Variants in DMD observed in about 807,000 individuals in gnomAD.
DMD encodes the protein mutant dystrophin.
DMD carries 63 observed loss-of-function variants against 330.1 expected under a neutral mutation model. The observed-to-expected ratio is 0.19, with a 90% CI of 0.16 to 0.24. The LOEUF is 0.24. Among genes scored for constraint, DMD ranks in the 10% least tolerant of loss-of-function variants. The probability of loss-of-function intolerance (pLI) is 1.00; values close to 1 mark genes in which losing one functional copy is unlikely to be tolerated. For missense variants in DMD, 3,344 were observed against 2,684.1 expected (o/e 1.25, Z -5.43); for synonymous variants, 1,223 against 959.8 (o/e 1.27, Z -5.07).
At chrX:33,106,662 G>A (rs957912527) in intron 1 of DMD, among the ~76,000 whole-genome samples, 1 of 111,241 alleles carries the variant, frequency 9.0e-6, no homozygotes, top group African/African-American at 3.3e-5. Context: ...ATAATGTTTT[G>A]AACACATCCA....
At chrX:33,144,919 A>G (rs2047955363) in intron 1 of DMD, among the ~76,000 whole-genome samples, 1 of 111,979 alleles carries the variant, frequency 8.9e-6, no homozygotes, top group Non-Finnish European at 1.9e-5. Flanking sequence ...CTTTCAATCT[A>G]TTGTCTATTT....
At chrX:32,529,378 A>AATTTTTTTTTT (rs1569139194) in intron 17 of DMD, among the ~76,000 whole-genome samples, 8 of 73,060 alleles carry the variant, frequency 1.1e-4, no homozygotes, top group African/African-American at 3.8e-4. Flanking sequence ...GCAAAAATCA[A>AATTTTTTTTTT]CTTTTTTTTT....
At chrX:32,502,499 A>C (rs1190777608) in intron 18 of DMD, among the ~76,000 whole-genome samples, 1 of 111,850 alleles carries the variant, frequency 8.9e-6, no homozygotes, top group Admixed American at 9.6e-5. Context: ...CAATAGCCAG[A>C]ATTTCATACT....
intron 60 of DMD, among the ~76,000 whole-genome samples, chrX:31,373,516 C>T (rs1312336286): frequency 1.9e-5 from 2 of 104,048 alleles, no homozygotes; most frequent in South Asian, 4.7e-4. Flanking sequence ...AATAATGCCG[C>T]ATATCTACAA....
intron 12 of DMD, among the ~76,000 whole-genome samples, chrX:32,607,991 G>A (rs2056870921): frequency 9.1e-6 from 1 of 109,386 alleles, no homozygotes. Context: ...GAGTAATGAA[G>A]TATAATAACT....
At chrX:32,751,994 G>A (rs374840739) in intron 7 of DMD, among the ~76,000 whole-genome samples, 2 of 112,889 alleles carry the variant, frequency 1.8e-5, no homozygotes, top group African/African-American at 6.4e-5. Context: ...GAGGATGTAT[G>A]GAAAAACCTG....
chrX:31,468,217 T>C (rs2149201318), intron 59 of DMD, among the ~76,000 whole-genome samples: 1 of 112,015 alleles, frequency 8.9e-6, no homozygotes, highest in East Asian at 2.8e-4. Flanking sequence ...GCTTTGGAAT[T>C]TGTTTGCTCT....
chrX:31,402,644 A>C (rs1302581868), intron 60 of DMD, among the ~76,000 whole-genome samples: 2 of 111,995 alleles, frequency 1.8e-5, no homozygotes, highest in Non-Finnish European at 3.8e-5. Flanking sequence ...TGAGGGAACG[A>C]TTTCTGAAAA....
rs770173774 is a variant in DMD, at chrX:31,445,791, G to A, written c.8938-1164C>T. ...GAGCAGAAGAACCCTATGCAGATAT[G>A]GGGAGGATATTACCACGCCTCATAT... is the stretch of plus-strand genomic sequence containing the variant. On this transcript the variant is annotated intron_variant, in intron 59 of 78. Transcript: ENST00000357033. 1.1e-4 allele frequency among the ~76,000 whole-genome samples: 12 copies of A among 111,611 alleles called. No individual in the cohort carries two copies. In the South Asian group the frequency reaches 4.5e-3, roughly 42 times the overall value.
intron 2 of DMD, among the ~76,000 whole-genome samples, chrX:32,990,294 C>G (rs1003203375): frequency 1.8e-5 from 2 of 111,644 alleles, no homozygotes; most frequent in African/African-American, 6.5e-5. Context: ...TACAGTTGAC[C>G]AACTCTTTTA....
At chrX:32,968,792 G>A (rs1432085828) in intron 2 of DMD, among the ~76,000 whole-genome samples, 1 of 108,733 alleles carries the variant, frequency 9.2e-6, no homozygotes, top group African/African-American at 3.3e-5. Context: ...CACTTTGGGA[G>A]GCCAGGGTGG....
At chrX:32,414,963 A>G (rs2098160760) in intron 29 of DMD, among the ~76,000 whole-genome samples, 1 of 111,948 alleles carries the variant, frequency 8.9e-6, no homozygotes, top group African/African-American at 3.2e-5. Context: ...TCAGGGCTAT[A>G]ATCAGAGCCT....
At chrX:31,919,205 T>G (rs1024038118) in intron 47 of DMD, among the ~76,000 whole-genome samples, 1 of 111,876 alleles carries the variant, frequency 8.9e-6, no homozygotes, top group African/African-American at 3.2e-5. Flanking sequence ...AGGAGATAAC[T>G]GCAATGGTCT....
chrX:31,222,788 C>A lies in DMD; in HGVS notation c.9361+259G>T, dbSNP rs16989449. Reference sequence around the variant, plus strand: ...TAATTATGGATGCCGATGCCAATGCCAGTAGTTGGAAAATAAAAATTCTCA... The same window carrying A: ...TAATTATGGATGCCGATGCCAATGCAAGTAGTTGGAAAATAAAAATTCTCA... On this transcript the variant is annotated intron_variant, in intron 64 of 78. Transcript: ENST00000357033. Among the ~76,000 whole-genome samples the A allele has an allele frequency of 0.13, 14,798 of 111,513 alleles. 917 individuals carry two copies. Among genetic ancestry groups the A allele is most frequent in the African/African-American group, 0.24 (7,281 of 30,605 alleles).
intron 48 of DMD, among the ~76,000 whole-genome samples, chrX:31,838,664 T>C (rs2093255630): frequency 8.9e-6 from 1 of 111,963 alleles, no homozygotes; most frequent in South Asian, 3.7e-4. Context: ...GACTATATTA[T>C]TGATGATAGC....
intron 44 of DMD, among the ~76,000 whole-genome samples, chrX:32,193,659 G>A (rs1030627508): frequency 1.8e-5 from 2 of 111,451 alleles, no homozygotes; most frequent in Admixed American, 9.6e-5. Flanking sequence ...TGCCTACTGC[G>A]TGGTGTTCAA....
chrX:32,356,910 G>A (rs375457768), intron 37 of DMD, among the ~76,000 whole-genome samples: 31 of 111,074 alleles, frequency 2.8e-4, no homozygotes, highest in South Asian at 2.3e-3. Context: ...TTATTTTTGA[G>A]ATGGAATCTC....
At chrX:31,222,392 CAAAAAA>C (rs57227723) in intron 64 of DMD, among the ~76,000 whole-genome samples, 67 of 20,612 alleles carry the variant, frequency 3.3e-3, no homozygotes, top group East Asian at 0.022. Context: ...GACTCCATCT[CAAAAAA>C]AAAAAAAAAA....
intron 44 of DMD, among the ~76,000 whole-genome samples, chrX:32,204,976 A>ATC (rs200970973): frequency 0.011 from 492 of 45,281 alleles, 6 homozygotes; most frequent in African/African-American, 0.016. Flanking sequence ...CATCCAAGCC[A>ATC]TCTCTCTCTC....
Sources: allele counts gnomAD v4.1 joint callset (sites outside exome capture counted in the v4.1 genomes callset), GRCh38; gene constraint gnomAD v4.1.1; transcripts MANE v1.5; gene names NCBI Gene and HGNC (gene_info 2026-07-23, HGNC 2026-07-21).